Variants in PRDM5 observed in about 807,000 individuals in gnomAD.
PRDM5 encodes the protein PR/SET domain 5.
A neutral mutation model predicts 81.2 loss-of-function variants in PRDM5; 56 were observed. The observed-to-expected ratio is 0.69, with a 90% CI of 0.56 to 0.86. PRDM5 has a LOEUF of 0.86. Ranked by LOEUF, PRDM5 falls within the 40% of genes least tolerant of loss-of-function variation. PRDM5 has a pLI of 0.00. For synonymous variants in PRDM5, 267 were observed against 256.4 expected (o/e 1.04, Z -0.39); for missense variants, 697 against 770.1 (o/e 0.91, Z 1.12).
chr4:120,848,679 T>C (rs1209096005), intron 3 of PRDM5, among the ~76,000 whole-genome samples: 1 of 152,100 alleles, frequency 6.6e-6, no homozygotes, highest in Non-Finnish European at 1.5e-5. Flanking sequence ...CCACTATAAA[T>C]AACTTAAGAA....
At chr4:120,870,991 T>A (rs1177028045) in intron 2 of PRDM5, among the ~76,000 whole-genome samples, 1 of 152,138 alleles carries the variant, frequency 6.6e-6, no homozygotes, top group African/African-American at 2.4e-5. Flanking sequence ...TCTTGCCAGA[T>A]TTCCCCTCCA....
rs1740560452 is a variant in PRDM5 at position 120,733,442 on chromosome 4, A to C, written c.1623+21111T>G. ...TGCACACGACACTCAGTTGGTTTGC[A>C]ATGCCCTACCCCCAATCTTGTTCCT... On this transcript the variant is annotated intron_variant, in intron 14 of 15. Transcript: ENST00000264808. 2.0e-5 allele frequency among the ~76,000 whole-genome samples: 3 copies of C among 152,298 alleles called. No individual in the cohort carries two copies. In the South Asian group the frequency reaches 6.2e-4, roughly 32 times the overall value.
At chr4:120,772,434 CA>C (rs1201814862) in intron 13 of PRDM5, among the ~76,000 whole-genome samples, 3 of 152,284 alleles carry the variant, frequency 2.0e-5, no homozygotes, top group African/African-American at 7.2e-5. Flanking sequence ...AGTTCCTATG[CA>C]AAAGTAGAGT....
chr4:120,916,515 AAAC>A lies in PRDM5; in HGVS notation c.93+5998_93+6000del, dbSNP rs1724187073. ...CTAAAAGATCACTGATGATCTAAAGAAACAAGAGTAAAAACGTACTGTAAGATT... is the reference window on the plus strand; with the variant it reads ...CTAAAAGATCACTGATGATCTAAAGAAAGAGTAAAAACGTACTGTAAGATT... On this transcript the variant is annotated intron_variant, in intron 1 of 15. Transcript: ENST00000264808. 2.6e-5 allele frequency among the ~76,000 whole-genome samples: 4 copies of A among 152,234 alleles called. No individual in the cohort carries two copies. In the South Asian group the frequency reaches 8.3e-4, roughly 32 times the overall value.
chr4:120,922,435 C>G, intron 1 of PRDM5, 81 bp downstream of exon 1: 1 of 1,242,990 alleles, frequency 8.0e-7, no homozygotes. Context: ...CGCCGCGCCC[C>G]GGGCCCTGCG....
At chr4:120,812,444 G>C in intron 7 of PRDM5, 1 of 69,470 alleles carries the variant, frequency 1.4e-5, no homozygotes, top group Non-Finnish European at 2.8e-5. Context: ...TCGTTATTCC[G>C]TCTTTTGGAT....
At chr4:120,760,917 T>C (rs1745516141) in intron 13 of PRDM5, among the ~76,000 whole-genome samples, 1 of 152,154 alleles carries the variant, frequency 6.6e-6, no homozygotes, top group Non-Finnish European at 1.5e-5. Context: ...TGATAAATTA[T>C]ACAAAACAAG....
chr4:120,882,617 T>C (rs574933030), intron 2 of PRDM5, among the ~76,000 whole-genome samples: 1 of 152,338 alleles, frequency 6.6e-6, no homozygotes, highest in East Asian at 1.9e-4. Flanking sequence ...TTATAATACA[T>C]AAATACCATG....
chr4:120,913,094 C>G (rs890302534), intron 1 of PRDM5, among the ~76,000 whole-genome samples: 1 of 152,182 alleles, frequency 6.6e-6, no homozygotes, highest in Admixed American at 6.5e-5. Flanking sequence ...GAACACTGAT[C>G]GTGTTAAGGG....
intron 4 of PRDM5, among the ~76,000 whole-genome samples, chr4:120,820,291 T>G (rs1188737896): frequency 6.6e-6 from 1 of 152,178 alleles, no homozygotes; most frequent in Non-Finnish European, 1.5e-5. Flanking sequence ...AAACGGGCCC[T>G]CACCAGACAC....
chr4:120,873,686 A>G (rs904799624), intron 2 of PRDM5, among the ~76,000 whole-genome samples: 4 of 152,222 alleles, frequency 2.6e-5, no homozygotes, highest in African/African-American at 9.6e-5. Context: ...CTCTCCAACA[A>G]TATGTCGGTT....
At chr4:120,875,745 A>C (rs1187156147) in intron 2 of PRDM5, among the ~76,000 whole-genome samples, 1 of 152,212 alleles carries the variant, frequency 6.6e-6, no homozygotes, top group Admixed American at 6.5e-5. Flanking sequence ...ACAGGGGGCA[A>C]AATACAAATG....
intron 13 of PRDM5, chr4:120,762,846 A>T (rs549665608): frequency 1.5e-4 from 23 of 152,314 alleles, no homozygotes; most frequent in African/African-American, 5.5e-4. Flanking sequence ...AACCTAAACA[A>T]GTTAAACCCA....
At position 120,734,421 on chromosome 4, in the gene PRDM5, T is replaced by TACACACACACAC. The variant is rs149559268; in HGVS notation, c.1623+20120_1623+20131dup. ...ACACACACACACACACACACACAAA[T>TACACACACACAC]ACACACACACACACACACACACACA... On this transcript the variant is annotated intron_variant, in intron 14 of 15. Transcript: ENST00000264808. 4.7e-3 allele frequency among the ~76,000 whole-genome samples: 647 copies of TACACACACACAC among 138,154 alleles called. 5 individuals are homozygous for TACACACACACAC. Among genetic ancestry groups the TACACACACACAC allele is most frequent in the African/African-American group, 0.015 (557 of 36,676 alleles). 90.6% of individuals were successfully genotyped at this position (138,154 alleles called of 152,430 possible).
At chr4:120,849,048 T>G (rs1013033821) in intron 3 of PRDM5, among the ~76,000 whole-genome samples, 1 of 152,166 alleles carries the variant, frequency 6.6e-6, no homozygotes, top group African/African-American at 2.4e-5. Flanking sequence ...ATAGGAAAGA[T>G]AGAGAACTGG....
At chr4:120,690,411 A>C (rs979306281), downstream of PRDM5, among the ~76,000 whole-genome samples, 1 of 152,200 alleles carries the variant, frequency 6.6e-6, no homozygotes, top group Admixed American at 6.5e-5. Flanking sequence ...TGAGAAAGGC[A>C]GGACAAAGCC....
chr4:120,892,175 G>A (rs1764126296), intron 2 of PRDM5, among the ~76,000 whole-genome samples: 1 of 152,048 alleles, frequency 6.6e-6, no homozygotes, highest in African/African-American at 2.4e-5. Context: ...CTGAAAGTGT[G>A]TTTGCTATGA....
In PRDM5 at chr4:120,692,188, T is replaced by C. The variant is rs1201978142; in HGVS notation, c.*2923A>G. The C allele has an allele frequency of 6.6e-6, 1 of 152,042 alleles. No individual in the cohort carries two copies. The highest frequency in any genetic ancestry group is 1.5e-5 in the Non-Finnish European group (1 of 67,986). The allele number at this position is 152,042 out of a possible 1,614,324, so 9.4% of individuals were successfully genotyped here. A position where few individuals can be genotyped will look rare whatever the true frequency, so the allele number is the denominator to read the frequency against. The stretch of plus-strand genomic sequence containing the variant: ...ATCCTCTTTCCTTTCATGCTTTTGT[T>C]TGAGAAAGGAAGCAGCACATAAAAT... On this transcript the variant is annotated 3_prime_UTR_variant, in exon 16 of 16. Coordinates refer to ENST00000264808, the MANE Select transcript of PRDM5 (RefSeq NM_018699.4).
At position 120,798,299 on chromosome 4, in the gene PRDM5, C is replaced by T. The variant is rs764553910; in HGVS notation, c.1156G>A (p.Ala386Thr). The part of the protein sequence containing the change: ...YKCKLCGKGF[A>T]HRNVYKNHKK... ...TGATTCTTGTAAACATTTCTGTGGG[C>T]AAATCCCTTTCCACAAAGTTTGCAT... is the stretch of plus-strand genomic sequence containing the variant. Residue 386 changes from alanine to threonine, a missense_variant, in exon 10 of 16, where the codon GCC becomes ACC. Ala to Thr is a moderately conservative substitution (Grantham distance 58, BLOSUM62 0). Around this residue, in one of 3 missense-constraint regions of PRDM5, gnomAD observed 577 missense variants for 606.7 expected, o/e 0.95. Transcript: ENST00000264808. 1 of 1,609,362 alleles carries T rather than the reference C, an allele frequency of 6.2e-7. No homozygotes were observed. The highest frequency in any genetic ancestry group is 8.5e-7 in the Non-Finnish European group (1 of 1,177,760).
Sources: allele counts gnomAD v4.1 joint callset (sites outside exome capture counted in the v4.1 genomes callset), GRCh38; gene constraint gnomAD v4.1.1; regional missense constraint gnomAD v4.1.1; transcripts MANE v1.5; gene names NCBI Gene and HGNC (gene_info 2026-07-23, HGNC 2026-07-21).